CELF2: variants seen among roughly 807,000 people sequenced by gnomAD.
The protein encoded by CELF2 is CUG triplet repeat RNA-binding protein 2.
In CELF2, 8 loss-of-function variants were observed where a neutral mutation model predicts 62.6. The ratio of observed to expected loss-of-function variants is 0.13; its 90% CI spans 0.07 to 0.23. The LOEUF (loss-of-function observed/expected upper bound fraction) is 0.23, where lower values mean the gene tolerates loss of function less well. CELF2 is among the 10% of genes least tolerant of loss of function. The pLI is 1.00. For missense variants in CELF2, 333 were observed against 671.0 expected, an observed-to-expected ratio of 0.50 and a Z score of 5.56; for synonymous variants, 258 against 250.0, an observed-to-expected ratio of 1.03 and a Z score of -0.30.
chr10:11,116,993 G>A (rs1043379271), intron 1 of CELF2, among the ~76,000 whole-genome samples: 4 of 152,046 alleles, frequency 2.6e-5, no homozygotes, highest in Non-Finnish European at 4.4e-5. Context: ...AGGAAACTTG[G>A]GCACAGTTAA....
At chr10:10,616,350 A>G in the CELF2 span, among the ~76,000 whole-genome samples, 2 of 147,678 alleles carry the variant, frequency 1.4e-5, no homozygotes, top group South Asian at 4.4e-4. Flanking sequence ...AAAATTTTAG[A>G]AAGCAAATTC....
the CELF2 span, among the ~76,000 whole-genome samples, chr10:10,736,330 G>C: frequency 1.3e-5 from 2 of 149,338 alleles, no homozygotes; most frequent in Admixed American, 1.3e-4. Context: ...TGTGGGGTTT[G>C]TTTGTTTTTC....
At chr10:11,042,783 A>G (rs2139582381) in intron 1 of CELF2, among the ~76,000 whole-genome samples, 1 of 152,268 alleles carries the variant, frequency 6.6e-6, no homozygotes, top group Admixed American at 6.5e-5. Context: ...CAGAAATGTA[A>G]TTGTATAATA....
At chr10:10,662,443 C>G in the CELF2 span, among the ~76,000 whole-genome samples, 1 of 152,146 alleles carries the variant, frequency 6.6e-6, no homozygotes, top group Non-Finnish European at 1.5e-5. Context: ...ACCACAGAGA[C>G]AACGCAAGCT....
At chr10:10,530,032 C>G in the CELF2 span, among the ~76,000 whole-genome samples, 1 of 152,202 alleles carries the variant, frequency 6.6e-6, no homozygotes, top group Non-Finnish European at 1.5e-5. Flanking sequence ...TCCCCACTCA[C>G]CATTCCCCTT....
rs1479461934 is a variant in CELF2, at chr10:11,290,908, A to T, written c.976+2356A>T. On this transcript the variant is annotated intron_variant, in intron 9 of 12. Transcript: ENST00000633077. This position sits in a 1 kb window ranked among gnomAD's most constrained non-coding sequence, Gnocchi z 4.3. ...TTATTTTTCTTAAGTGTAACTAAAA[A>T]ATCTGATGTTTAAGTGAAAGTAAAT... is the stretch of plus-strand genomic sequence containing the variant. 2.6e-5 allele frequency among the ~76,000 whole-genome samples: 4 copies of T among 152,248 alleles called. No homozygotes were observed. The highest frequency in any genetic ancestry group is 7.2e-5 in the African/African-American group (3 of 41,464).
intron 2 of CELF2, among the ~76,000 whole-genome samples, chr10:11,173,915 A>T (rs915482261): frequency 4.6e-5 from 7 of 152,238 alleles, no homozygotes; most frequent in African/African-American, 9.6e-5. Flanking sequence ...ACATAGGTTT[A>T]TATATTCTGA....
At chr10:11,019,663 T>A (rs2057989076) in intron 1 of CELF2, among the ~76,000 whole-genome samples, 1 of 152,160 alleles carries the variant, frequency 6.6e-6, no homozygotes, top group Non-Finnish European at 1.5e-5. Flanking sequence ...GAGTCAATAT[T>A]AAGAATGTTA....
chr10:11,038,278 C>G (rs949861077), intron 1 of CELF2, among the ~76,000 whole-genome samples: 1 of 152,172 alleles, frequency 6.6e-6, no homozygotes, highest in African/African-American at 2.4e-5. Flanking sequence ...AGCCTGGCTT[C>G]CCTTTGTGGA....
chr10:10,761,932 G>T, the CELF2 span, among the ~76,000 whole-genome samples: 1 of 149,036 alleles, frequency 6.7e-6, no homozygotes, highest in African/African-American at 2.6e-5. Context: ...GTGTGTGTGT[G>T]TGTGTGTGTG....
chr10:11,145,865 C>G lies in CELF2; in HGVS notation c.75-19621C>G, dbSNP rs899977872. The stretch of plus-strand genomic sequence containing the variant: ...CTGTTTAAAATGTGGATTTTATATA[C>G]GTTGTTTACATTTTATGAGAGAATT... On this transcript the variant is annotated intron_variant, in intron 1 of 12. Transcript: ENST00000633077. This position sits in a 1 kb window ranked among gnomAD's most constrained non-coding sequence, Gnocchi z 4.3. 6.6e-6 allele frequency among the ~76,000 whole-genome samples: 1 copy of G among 152,120 alleles called. No individual in the cohort carries two copies. The highest frequency in any genetic ancestry group is 1.9e-4 in the East Asian group (1 of 5,204).
intron 2 of CELF2, among the ~76,000 whole-genome samples, chr10:11,168,216 T>A (rs2067798034): frequency 6.6e-6 from 1 of 152,166 alleles, no homozygotes; most frequent in African/African-American, 2.4e-5. Flanking sequence ...AGAGATGAAA[T>A]CATTCAAATC....
chr10:11,035,523 T>C (rs1345553178), intron 1 of CELF2, among the ~76,000 whole-genome samples: 1 of 152,214 alleles, frequency 6.6e-6, no homozygotes, highest in Non-Finnish European at 1.5e-5. Flanking sequence ...GATACTGCCT[T>C]TGTTCTAACA....
chr10:10,920,547 G>A (rs994893516), intron 2 of CELF2, among the ~76,000 whole-genome samples: 3 of 152,068 alleles, frequency 2.0e-5, no homozygotes, highest in African/African-American at 4.8e-5. Context: ...ATTGATCATT[G>A]TGCTTTATAT....
At chr10:10,728,860 C>T in the CELF2 span, among the ~76,000 whole-genome samples, 1 of 152,128 alleles carries the variant, frequency 6.6e-6, no homozygotes, top group African/African-American at 2.4e-5. Context: ...GATTCTACCG[C>T]CTCTAAATGT....
intron 1 of CELF2, among the ~76,000 whole-genome samples, chr10:11,065,055 C>T (rs1056125340): frequency 6.6e-6 from 1 of 152,144 alleles, no homozygotes; most frequent in African/African-American, 2.4e-5. Context: ...AAGTTCCCTG[C>T]TATCAAAGCA....
At chr10:10,799,413 G>A (rs541165549) in intron 1 of CELF2, among the ~76,000 whole-genome samples, 39 of 152,174 alleles carry the variant, frequency 2.6e-4, no homozygotes, top group African/African-American at 9.2e-4. Flanking sequence ...AAACTTAGGA[G>A]GTGGAGGTTG....
At chr10:11,081,828 T>A (rs2074114343) in intron 1 of CELF2, among the ~76,000 whole-genome samples, 1 of 152,228 alleles carries the variant, frequency 6.6e-6, no homozygotes, top group African/African-American at 2.4e-5. Context: ...AAAGAAAGGC[T>A]TTCAGGACAC....
At chr10:10,755,298 C>T in the CELF2 span, among the ~76,000 whole-genome samples, 2 of 152,178 alleles carry the variant, frequency 1.3e-5, no homozygotes, top group Non-Finnish European at 2.9e-5. Flanking sequence ...TATTTATCTT[C>T]TATTGGCTCT....
Sources: gnomAD v4.1 joint callset for allele counts (sites outside exome capture counted in the v4.1 genomes callset) on GRCh38, gnomAD v4.1.1 for gene constraint, Gnocchi (gnomAD v3.1) non-coding constraint, MANE v1.5 for transcripts, NCBI Gene and HGNC (gene_info 2026-07-23, HGNC 2026-07-21) for gene names.